The following TREH variants were observed in gnomAD, a reference collection of about 807,000 sequenced individuals.
The protein encoded by TREH is alpha,alpha-trehalose glucohydrolase.
TREH carries 69 observed loss-of-function variants against 80.5 expected under a neutral mutation model. The ratio of observed to expected loss-of-function variants is 0.86; its 90% CI spans 0.71 to 1.05. The LOEUF is 1.05. TREH is among the 50% of genes least tolerant of loss of function. TREH has a pLI of 0.00. For synonymous variants in TREH, 309 were observed against 293.5 expected (o/e 1.05, Z -0.54); for missense variants, 716 against 718.8 (o/e 1.00, Z 0.04).
rs1555144321 is a variant in TREH at position 118,659,418 on chromosome 11, A to C, written c.1384T>G (p.Trp462Gly). ...GGGGCCCAGGCATTGGGGAAATCCC[A>C]CTGCTGGCCTGTCTTCTGGAGAGAG... ...PTSLQKTGQQWDFPNAWAPLQ... is the reference protein window; with the variant it reads ...PTSLQKTGQQGDFPNAWAPLQ... The change falls in exon 12 of 15, where the codon TGG (tryptophan) becomes GGG (glycine). Residue 462 changes from tryptophan to glycine, a missense_variant. Physicochemically the swap from Trp to Gly is radical, Grantham distance 184. Transcript: ENST00000264029. The C allele has an allele frequency of 6.2e-7, 1 of 1,606,766 alleles. No homozygotes were observed. Among genetic ancestry groups the C allele is most frequent in the Middle Eastern group, 1.7e-4 (1 of 6,040 alleles).
At chr11:118,662,011 A>G in intron 4 of TREH, 21 bp from the exon 5 acceptor site, 1 of 1,539,298 alleles carries the variant, frequency 6.5e-7, no homozygotes, top group Non-Finnish European at 8.8e-7. Flanking sequence ...GAGAGAGGGC[A>G]AGGGGAGCCT....
At chr11:118,659,529 G>T in intron 11 of TREH, 48 bp from the exon 12 acceptor site, 1 of 1,488,368 alleles carries the variant, frequency 6.7e-7, no homozygotes, top group South Asian at 1.3e-5. Context: ...GCTGGACTGG[G>T]AGCCAGGACA....
chr11:118,658,477 G>A (rs1555143933), intron 14 of TREH, 36 bp from the exon 15 acceptor site: 10 of 1,604,482 alleles, frequency 6.2e-6, no homozygotes, highest in Non-Finnish European at 8.5e-6. Flanking sequence ...AGTTTCTGGG[G>A]AAGCCTCATA....
intron 1 of TREH, among the ~76,000 whole-genome samples, chr11:118,673,540 C>G (rs1011367853): frequency 6.6e-6 from 1 of 152,216 alleles, no homozygotes; most frequent in Non-Finnish European, 1.5e-5. Flanking sequence ...TGGCTGCTGC[C>G]CTGCAATGTC....
Position 118,660,025 on chromosome 11 carries a change from T to C in TREH, c.1103-61A>G, listed in dbSNP as rs1405081928. 4.1e-6 allele frequency: 6 copies of C among 1,478,934 alleles called. No individual in the cohort carries two copies. The African/African-American group carries it at 5.6e-5, about 14-fold the overall frequency. The allele number at this position is 1,478,934 out of a possible 1,614,324, so 91.6% of individuals were successfully genotyped here. On this transcript the variant is annotated intron_variant, in intron 10 of 14. Coordinates refer to ENST00000264029, the MANE Select transcript of TREH (RefSeq NM_007180.3). ...GCCCTGCCTGCTGCCCCAGGCTTTT[T>C]TCGTGGTTCTACTTTAGCCTCCCCG...
chr11:118,661,322 C>T lies in TREH; in HGVS notation c.735-40G>A, dbSNP rs1355483828. ...ACAACACCTCAGCCCAGGCGTGCTG[C>T]CCATCCCCAGCCCTGAGAGGTCTGA... On this transcript the variant is annotated intron_variant, in intron 7 of 14. Transcript: ENST00000264029. The surrounding 1 kb of genome is among the most constrained non-coding windows in gnomAD (Gnocchi z 4.2). 4.3e-5 allele frequency: 70 copies of T among 1,613,824 alleles called. No individual in the cohort carries two copies. The highest frequency in any genetic ancestry group is 5.7e-5 in the Non-Finnish European group (67 of 1,179,838).
At position 118,660,637 on chromosome 11, in the gene TREH, G is replaced by A. The variant is rs981620905; in HGVS notation, c.1004C>T (p.Ser335Leu). Residue 335 changes from serine (S) to leucine (L), a missense_variant, in exon 10 of 15, where the codon TCG becomes TTG. Physicochemically the swap from Ser to Leu is moderately radical, Grantham distance 145. Transcript: ENST00000264029. ...TTTGCTTGTTCGGATGCCGCTAAGC[G>A]AGTTGGGGTTTGGGCCTCCAATGAG... The part of the protein sequence containing the change: ...RWLIGGPNPN[S>L]LSGIRTSKLV... 2.5e-5 allele frequency: 40 copies of A among 1,607,848 alleles called. No homozygotes were observed. In the Admixed American group the frequency reaches 3.4e-4, roughly 14 times the overall value.
intron 1 of TREH, among the ~76,000 whole-genome samples, chr11:118,671,001 T>C (rs1415352157): frequency 2.0e-5 from 3 of 152,224 alleles, no homozygotes; most frequent in African/African-American, 7.2e-5. Context: ...GGAAAGGACA[T>C]TGGGTTAGGC....
rs1256005119 is a variant in TREH, at chr11:118,658,000, C to T, written c.*289G>A. ...TTTTCAGTATTTGTAAGCATTTCAG[C>T]AGAACAATAAAGCCTTTGGACTACG... On this transcript the variant is annotated 3_prime_UTR_variant, in exon 15 of 15. Coordinates refer to ENST00000264029, the MANE Select transcript of TREH (RefSeq NM_007180.3). 1 of 426,866 alleles carries T rather than the reference C, an allele frequency of 2.3e-6. No individual in the cohort carries two copies. The highest frequency in any genetic ancestry group is 3.7e-5 in the East Asian group (1 of 27,052). 26.4% of individuals were successfully genotyped at this position (426,866 alleles called of 1,614,324 possible). A position where few individuals can be genotyped will look rare whatever the true frequency, so the allele number is the denominator to read the frequency against.
chr11:118,675,633 C>G (rs782701507), intron 1 of TREH, among the ~76,000 whole-genome samples: 8 of 152,156 alleles, frequency 5.3e-5, no homozygotes, highest in Non-Finnish European at 7.3e-5. Flanking sequence ...TGTCCTTTCC[C>G]CATGGAACCA....
intron 10 of TREH, 85 bp from the exon 11 acceptor site, chr11:118,660,049 C>T (rs118061411): frequency 4.0e-4 from 520 of 1,290,590 alleles, no homozygotes; most frequent in African/African-American, 1.2e-3. Flanking sequence ...TTAGCCTCCC[C>T]GCTTTGTGTT....
Position 118,663,353 on chromosome 11 carries a change from A to G in TREH, c.176T>C (p.Leu59Pro). Residue 59 changes from leucine to proline, a missense_variant, in exon 2 of 15, where the codon CTG becomes CCG. Coordinates refer to ENST00000264029, the MANE Select transcript of TREH (RefSeq NM_007180.3). ...AGGTGCTTCACCTGGAGCTATAGAC[A>G]GTGGCATGTCCACAAACTGCTTGTC... Reference protein sequence around the residue: ...QDDKQFVDMPLSIAPEQVLQT... With the variant: ...QDDKQFVDMPPSIAPEQVLQT... The G allele has an allele frequency of 3.1e-6, 5 of 1,593,010 alleles. No homozygotes were observed. Among genetic ancestry groups the G allele is most frequent in the Non-Finnish European group, 4.3e-6 (5 of 1,169,544 alleles).
rs782566621 is a variant in TREH at position 118,658,746 on chromosome 11, G to A, written c.1546-13C>T. ...TGCTGACGTCATACTGGGGACAAGC[G>A]GGTGGGCTGTATGTCAGGTACTGCC... On this transcript the variant is annotated splice_polypyrimidine_tract_variant and intron_variant, in intron 13 of 14. Transcript: ENST00000264029. The A allele has an allele frequency of 2.7e-5, 43 of 1,608,188 alleles. 1 individual carries two copies. The South Asian group carries it at 2.8e-4, about 10-fold the overall frequency.
rs1555145066 is a variant in TREH, at chr11:118,661,853, C to G, written c.524+37G>C. The G allele has an allele frequency of 1.3e-6, 2 of 1,571,070 alleles. No individual in the cohort carries two copies. The highest frequency in any genetic ancestry group is 1.7e-6 in the Non-Finnish European group (2 of 1,157,376). On this transcript the variant is annotated intron_variant, in intron 5 of 14. Coordinates refer to ENST00000264029, the MANE Select transcript of TREH (RefSeq NM_007180.3). The surrounding 1 kb of genome is among the most constrained non-coding windows in gnomAD (Gnocchi z 4.2). ...CTGGGTTTCTCCACCACTGCCAGTCCTGCAGGCCCCTTGGTCTCTTGGGCC... is the reference window on the plus strand; with the variant it reads ...CTGGGTTTCTCCACCACTGCCAGTCGTGCAGGCCCCTTGGTCTCTTGGGCC...
At position 118,662,758 on chromosome 11, in the gene TREH, G is replaced by A. The variant is rs181871426; in HGVS notation, c.423+123C>T. 4.4e-3 allele frequency: 4,967 copies of A among 1,119,964 alleles called. 13 individuals carry two copies. Among genetic ancestry groups the A allele is most frequent in the Non-Finnish European group, 5.8e-3 (4,489 of 771,702 alleles). The allele number at this position is 1,119,964 out of a possible 1,614,324, so 69.4% of individuals were successfully genotyped here. On this transcript the variant is annotated intron_variant, in intron 4 of 14. Coordinates refer to ENST00000264029, the MANE Select transcript of TREH (RefSeq NM_007180.3). The stretch of plus-strand genomic sequence containing the variant: ...AGGGCCTCTATTTGGGGACCCAGGG[G>A]CCAGGGACTGGTTTCTCAGGAAAGG...
At chr11:118,659,300 C>T (rs1949276214) in intron 12 of TREH, 70 bp downstream of exon 12, 2 of 1,327,474 alleles carry the variant, frequency 1.5e-6, no homozygotes, top group Non-Finnish European at 2.0e-6. Context: ...TTCATGCCTC[C>T]CCAGCACCAG....
At position 118,657,999 on chromosome 11, in the gene TREH, G is replaced by A. The variant is rs1457382119; in HGVS notation, c.*290C>T. 3.1e-5 allele frequency: 13 copies of A among 424,584 alleles called. No homozygotes were observed. The Admixed American group carries it at 4.3e-4, about 14-fold the overall frequency. The allele number at this position is 424,584 out of a possible 1,614,324, so 26.3% of individuals were successfully genotyped here. A position where few individuals can be genotyped will look rare whatever the true frequency, so the allele number is the denominator to read the frequency against. ...GTTTTCAGTATTTGTAAGCATTTCA[G>A]CAGAACAATAAAGCCTTTGGACTAC... On this transcript the variant is annotated 3_prime_UTR_variant, in exon 15 of 15. Coordinates refer to ENST00000264029, the MANE Select transcript of TREH (RefSeq NM_007180.3).
intron 12 of TREH, 114 bp downstream of exon 12, chr11:118,659,256 G>C: frequency 2.1e-6 from 2 of 941,920 alleles, no homozygotes; most frequent in Non-Finnish European, 3.1e-6. Flanking sequence ...GCAGAGGAGC[G>C]AGAGAAAGGA....
intron 1 of TREH, among the ~76,000 whole-genome samples, chr11:118,669,593 G>T (rs545707411): frequency 6.6e-6 from 1 of 152,152 alleles, no homozygotes; most frequent in African/African-American, 2.4e-5. Context: ...TAAGCCAGAC[G>T]CAGAAAGACA....
Sources: gnomAD v4.1 joint callset for allele counts (sites outside exome capture counted in the v4.1 genomes callset) on GRCh38, gnomAD v4.1.1 for gene constraint, Gnocchi (gnomAD v3.1) non-coding constraint, MANE v1.5 for transcripts, NCBI Gene and HGNC (gene_info 2026-07-23, HGNC 2026-07-21) for gene names.